The following SGCD variants were observed in gnomAD, a reference collection of about 807,000 sequenced individuals.
SGCD encodes the protein sarcoglycan delta.
A neutral mutation model predicts 36.6 loss-of-function variants in SGCD; 18 were observed. The observed-to-expected ratio is 0.49, with a 90% CI of 0.34 to 0.73. The LOEUF (loss-of-function observed/expected upper bound fraction) is 0.73, where lower values mean the gene tolerates loss of function less well. Among genes scored for constraint, SGCD ranks in the 30% least tolerant of loss-of-function variants. The pLI, the probability that SGCD is intolerant of heterozygous loss-of-function variation, is 0.01. For missense variants in SGCD, 387 were observed against 346.7 expected (o/e 1.12, Z -0.92); for synonymous variants, 133 against 130.6 (o/e 1.02, Z -0.12).
intron 7 of SGCD, among the ~76,000 whole-genome samples, chr5:156,671,247 G>C (rs1753277916): frequency 6.8e-6 from 1 of 147,706 alleles, no homozygotes; most frequent in South Asian, 2.2e-4. Flanking sequence ...TCAAATGGTT[G>C]GTGATTCATG....
At chr5:155,899,947 T>C (rs1032889053) in intron 1 of SGCD, among the ~76,000 whole-genome samples, 2 of 152,220 alleles carry the variant, frequency 1.3e-5, no homozygotes, top group Admixed American at 1.3e-4. Context: ...TTTAAAGTTC[T>C]ATTCATACTT....
chr5:155,817,409 G>C, the SGCD span, among the ~76,000 whole-genome samples: 8 of 151,534 alleles, frequency 5.3e-5, no homozygotes, highest in South Asian at 6.3e-4. Flanking sequence ...CGCTTTTCTC[G>C]TGTGTATGCC....
At chr5:155,959,016 C>A (rs1330925962) in intron 1 of SGCD, among the ~76,000 whole-genome samples, 1 of 152,148 alleles carries the variant, frequency 6.6e-6, no homozygotes, top group African/African-American at 2.4e-5. Flanking sequence ...CCACACACAT[C>A]ACCCTTTCCT....
chr5:155,731,941 C>T, the SGCD span, among the ~76,000 whole-genome samples: 1 of 152,212 alleles, frequency 6.6e-6, no homozygotes, highest in Non-Finnish European at 1.5e-5. Flanking sequence ...AAGAGATACT[C>T]TTTAACACCT....
chr5:156,487,158 A>G (rs1381232916), intron 3 of SGCD, among the ~76,000 whole-genome samples: 2 of 152,184 alleles, frequency 1.3e-5, no homozygotes, highest in African/African-American at 4.8e-5. Flanking sequence ...TGCAACTGGG[A>G]TCCCTGTCTC....
Position 156,487,960 on chromosome 5 carries a change from T to TTATATATA in SGCD, c.193-20627_193-20620dup, listed in dbSNP as rs55795142. Among the ~76,000 whole-genome samples the TTATATATA allele has an allele frequency of 5.6e-3, 759 of 136,662 alleles. 5 individuals carry two copies. Among genetic ancestry groups the TTATATATA allele is most frequent in the African/African-American group, 0.019 (702 of 37,808 alleles). 89.7% of individuals were successfully genotyped at this position (136,662 alleles called of 152,430 possible). ...ATCTCAATAAGAAATGTAACATATA[T>TTATATATA]TATATATATATATATATATATCAAA... On this transcript the variant is annotated intron_variant, in intron 3 of 8. Coordinates refer to ENST00000337851, the MANE Select transcript of SGCD (RefSeq NM_000337.6).
the SGCD span, among the ~76,000 whole-genome samples, chr5:155,812,265 T>C: frequency 6.6e-6 from 1 of 152,198 alleles, no homozygotes; most frequent in Non-Finnish European, 1.5e-5. Flanking sequence ...AAGGGTTGCA[T>C]TCCATTCCCA....
the SGCD span, among the ~76,000 whole-genome samples, chr5:155,744,823 C>T: frequency 6.6e-6 from 1 of 152,290 alleles, no homozygotes; most frequent in South Asian, 2.1e-4. Context: ...AGAGGTACAA[C>T]ATTTGATGAG....
chr5:156,756,186 CG>C (rs1757327988), intron 7 of SGCD, among the ~76,000 whole-genome samples: 1 of 152,162 alleles, frequency 6.6e-6, no homozygotes, highest in Non-Finnish European at 1.5e-5. Flanking sequence ...CTGAGGTCTC[CG>C]TTCCTACGTT....
intron 7 of SGCD, among the ~76,000 whole-genome samples, chr5:156,671,921 C>T (rs1159777248): frequency 1.3e-5 from 2 of 152,098 alleles, no homozygotes; most frequent in African/African-American, 4.8e-5. Flanking sequence ...AGACACCGGG[C>T]TCTTTAAAAC....
intron 3 of SGCD, among the ~76,000 whole-genome samples, chr5:156,475,826 G>A (rs1755154843): frequency 6.6e-6 from 1 of 152,212 alleles, no homozygotes; most frequent in Admixed American, 6.5e-5. Flanking sequence ...CAAAAGAGGA[G>A]CTATGAAGCA....
chr5:156,487,884 CAGTG>C (rs536570595), intron 3 of SGCD, among the ~76,000 whole-genome samples: 74 of 130,800 alleles, frequency 5.7e-4, no homozygotes, highest in Middle Eastern at 4.3e-3. Context: ...AAAATAAAGT[CAGTG>C]AGACATGAAA....
intron 3 of SGCD, among the ~76,000 whole-genome samples, chr5:156,375,310 G>A (rs1770600320): frequency 6.6e-6 from 1 of 151,538 alleles, no homozygotes; most frequent in Admixed American, 6.6e-5. Flanking sequence ...AAAATCTCAG[G>A]ACACTTAAAA....
At chr5:156,193,067 G>A (rs1473152933) in intron 3 of SGCD, among the ~76,000 whole-genome samples, 2 of 151,962 alleles carry the variant, frequency 1.3e-5, no homozygotes, top group East Asian at 3.9e-4. Flanking sequence ...ACTTAAAATT[G>A]TGAAGATCAT....
intron 3 of SGCD, among the ~76,000 whole-genome samples, chr5:156,185,219 T>C (rs1463403073): frequency 7.0e-6 from 1 of 143,596 alleles, no homozygotes; most frequent in Non-Finnish European, 1.5e-5. Context: ...TTTCTTTTTT[T>C]TTTTTTTTTT....
chr5:156,415,523 T>C (rs891330611), intron 3 of SGCD, among the ~76,000 whole-genome samples: 3 of 152,216 alleles, frequency 2.0e-5, no homozygotes, highest in Non-Finnish European at 4.4e-5. Flanking sequence ...GATTCAGCTG[T>C]TGATCAGATT....
chr5:156,122,778 G>A (rs187086557), intron 2 of SGCD, among the ~76,000 whole-genome samples: 68 of 139,356 alleles, frequency 4.9e-4, no homozygotes, highest in African/African-American at 1.7e-3. Flanking sequence ...GTCTGAGAGA[G>A]CCTGCTGTGC....
intron 1 of SGCD, among the ~76,000 whole-genome samples, chr5:155,882,748 AT>A (rs1755916313): frequency 6.6e-6 from 1 of 152,178 alleles, no homozygotes; most frequent in South Asian, 2.1e-4. Context: ...TTCTTGTTTC[AT>A]TTCTAGATGA....
chr5:155,978,745 G>A (rs1361564982), intron 1 of SGCD, among the ~76,000 whole-genome samples: 2 of 151,158 alleles, frequency 1.3e-5, no homozygotes, highest in Non-Finnish European at 2.9e-5. Flanking sequence ...ACTCATTTTT[G>A]TTATTTTTAC....
Sources: allele counts gnomAD v4.1 joint callset (sites outside exome capture counted in the v4.1 genomes callset), GRCh38; gene constraint gnomAD v4.1.1; transcripts MANE v1.5; gene names NCBI Gene and HGNC (gene_info 2026-07-23, HGNC 2026-07-21).